The following DLG2 variants were observed in gnomAD, a reference collection of about 807,000 sequenced individuals.
The protein encoded by DLG2 is discs large MAGUK scaffold protein 2.
In DLG2, 45 loss-of-function variants were observed where a neutral mutation model predicts 132.5. That is an observed-to-expected ratio of 0.34 (90% CI 0.27 to 0.44). The LOEUF (loss-of-function observed/expected upper bound fraction) is 0.44, where lower values mean the gene tolerates loss of function less well. Ranked by LOEUF, DLG2 falls within the 20% of genes least tolerant of loss-of-function variation. The pLI is 1.00. For synonymous variants in DLG2, 424 were observed against 419.6 expected (o/e 1.01, Z -0.13); for missense variants, 1,045 against 1,196.9 (o/e 0.87, Z 1.87).
intron 11 of DLG2, among the ~76,000 whole-genome samples, chr11:84,006,259 G>A (rs960464220): frequency 6.6e-6 from 1 of 151,688 alleles, no homozygotes; most frequent in African/African-American, 2.4e-5. Flanking sequence ...ACTTACATGT[G>A]GGAGCTAAAA....
intron 7 of DLG2, among the ~76,000 whole-genome samples, chr11:84,364,140 G>A (rs903881347): frequency 5.3e-5 from 8 of 152,004 alleles, no homozygotes; most frequent in African/African-American, 1.9e-4. Context: ...TCCTACCCAT[G>A]AGCATGGAAT....
chr11:85,013,725 A>G (rs545153828), intron 6 of DLG2, among the ~76,000 whole-genome samples: 1 of 152,326 alleles, frequency 6.6e-6, no homozygotes, highest in South Asian at 2.1e-4. Flanking sequence ...GTTACTAAGT[A>G]TATTCTTTAT....
At chr11:84,019,697 C>T (rs576228360) in intron 11 of DLG2, among the ~76,000 whole-genome samples, 1 of 152,106 alleles carries the variant, frequency 6.6e-6, no homozygotes, top group African/African-American at 2.4e-5. Context: ...CAGAAACAGA[C>T]ATGCATACAG....
At chr11:84,573,315 A>G (rs1402820019) in intron 6 of DLG2, among the ~76,000 whole-genome samples, 2 of 152,158 alleles carry the variant, frequency 1.3e-5, no homozygotes, top group Non-Finnish European at 2.9e-5. Context: ...TCCATTTATA[A>G]CACTTACAAA....
At chr11:84,511,079 C>T (rs1308052705) in intron 7 of DLG2, among the ~76,000 whole-genome samples, 1 of 151,956 alleles carries the variant, frequency 6.6e-6, no homozygotes, top group Admixed American at 6.6e-5. Context: ...GAGAAGGTTT[C>T]CTCTGGATGA....
rs757921902 is a variant in DLG2, at chr11:85,591,866, A to G, written c.40+6791T>C. 3.3e-5 allele frequency among the ~76,000 whole-genome samples: 5 copies of G among 152,310 alleles called. No individual in the cohort carries two copies. The South Asian group carries it at 8.3e-4, about 25-fold the overall frequency. ...AATTTTGTTTAATGCTTGTCTCCCC[A>G]GTGTGTATCATAGCGTTTGGCAAAG... On this transcript the variant is annotated intron_variant, in intron 3 of 27. Coordinates refer to ENST00000376104, the MANE Select transcript of DLG2 (RefSeq NM_001142699.3).
chr11:83,694,240 CT>C (rs2081484164), intron 18 of DLG2, among the ~76,000 whole-genome samples: 1 of 152,212 alleles, frequency 6.6e-6, no homozygotes, highest in African/African-American at 2.4e-5. Flanking sequence ...GTAAATGGCT[CT>C]TCTGCTGGAG....
At chr11:84,010,088 A>C (rs2094798364) in intron 11 of DLG2, among the ~76,000 whole-genome samples, 1 of 152,032 alleles carries the variant, frequency 6.6e-6, no homozygotes, top group Non-Finnish European at 1.5e-5. Context: ...AATAAAAATG[A>C]ATTTAAAATA....
At chr11:84,960,792 AT>A (rs902450580) in intron 6 of DLG2, among the ~76,000 whole-genome samples, 51 of 152,206 alleles carry the variant, frequency 3.4e-4, no homozygotes, top group African/African-American at 1.1e-3. Context: ...GTAAATACTG[AT>A]TTTTGATGAT....
intron 6 of DLG2, among the ~76,000 whole-genome samples, chr11:84,849,289 G>T (rs1200696255): frequency 1.3e-5 from 2 of 152,128 alleles, no homozygotes; most frequent in East Asian, 1.9e-4. Flanking sequence ...AGAGTAGTTT[G>T]CTATATACAA....
chr11:83,830,191 G>T (rs1170109839), intron 17 of DLG2, among the ~76,000 whole-genome samples: 5 of 152,188 alleles, frequency 3.3e-5, no homozygotes, highest in Admixed American at 3.3e-4. Flanking sequence ...AAACGGATAT[G>T]CTGTGTGAAC....
chr11:85,140,599 TTA>T (rs1310166524), intron 5 of DLG2, among the ~76,000 whole-genome samples: 1 of 151,774 alleles, frequency 6.6e-6, no homozygotes, highest in Non-Finnish European at 1.5e-5. Context: ...AATTCCAGTC[TTA>T]GTTTTTTGAT....
intron 6 of DLG2, among the ~76,000 whole-genome samples, chr11:84,683,117 A>T (rs1321634505): frequency 6.6e-6 from 1 of 152,200 alleles, no homozygotes; most frequent in Non-Finnish European, 1.5e-5. Context: ...AAGAAAAGGG[A>T]AAGGAAGGGC....
chr11:84,888,932 T>C (rs1472455138), intron 6 of DLG2, among the ~76,000 whole-genome samples: 1 of 152,140 alleles, frequency 6.6e-6, no homozygotes. Flanking sequence ...GAAAAGGTTC[T>C]GAGGTAGATC....
At chr11:84,012,338 G>A (rs890781103) in intron 11 of DLG2, among the ~76,000 whole-genome samples, 1 of 152,072 alleles carries the variant, frequency 6.6e-6, no homozygotes, top group African/African-American at 2.4e-5. Context: ...GGCAAGAAAC[G>A]CACAGAGTAG....
At chr11:83,744,947 T>C (rs1301310835) in intron 18 of DLG2, among the ~76,000 whole-genome samples, 1 of 152,218 alleles carries the variant, frequency 6.6e-6, no homozygotes, top group East Asian at 1.9e-4. Flanking sequence ...AATAATTCAC[T>C]TTCCATACTT....
intron 18 of DLG2, among the ~76,000 whole-genome samples, chr11:83,722,117 T>C (rs928272521): frequency 6.6e-5 from 10 of 152,200 alleles, no homozygotes; most frequent in African/African-American, 2.4e-4. Context: ...AGCATACTAA[T>C]AAAATATTAT....
chr11:84,768,614 G>A (rs531107182), intron 6 of DLG2, among the ~76,000 whole-genome samples: 2 of 152,226 alleles, frequency 1.3e-5, no homozygotes, highest in East Asian at 3.9e-4. Flanking sequence ...GCAGTGCTAG[G>A]TGGATTCATT....
At chr11:85,219,507 A>G (rs1440176020) in intron 4 of DLG2, among the ~76,000 whole-genome samples, 1 of 151,910 alleles carries the variant, frequency 6.6e-6, no homozygotes, top group Non-Finnish European at 1.5e-5. Context: ...GGACATCAGC[A>G]TGGCCGTGTT....
Sources: allele counts gnomAD v4.1 joint callset (sites outside exome capture counted in the v4.1 genomes callset), GRCh38; gene constraint gnomAD v4.1.1; transcripts MANE v1.5; gene names NCBI Gene and HGNC (gene_info 2026-07-23, HGNC 2026-07-21).